The following PPM1E variants were observed in gnomAD, a reference collection of about 807,000 sequenced individuals.
PPM1E encodes protein phosphatase 1E.
Under a neutral mutation model 65.9 loss-of-function variants are expected in PPM1E, and 20 were observed. The observed-to-expected ratio is 0.30, with a 90% CI of 0.21 to 0.44. The LOEUF is 0.44. Among genes scored for constraint, PPM1E ranks in the 20% least tolerant of loss-of-function variants. PPM1E has a pLI of 1.00. For missense variants in PPM1E, 713 were observed against 953.1 expected, an observed-to-expected ratio of 0.75 and a Z score of 3.32; for synonymous variants, 352 against 374.9, an observed-to-expected ratio of 0.94 and a Z score of 0.70.
chr17:58,800,182 G>A (rs1192243040), intron 1 of PPM1E, among the ~76,000 whole-genome samples: 1 of 151,568 alleles, frequency 6.6e-6, no homozygotes, highest in African/African-American at 2.4e-5. Flanking sequence ...ATGACTATAT[G>A]ATTTTTGTCC....
intron 1 of PPM1E, among the ~76,000 whole-genome samples, chr17:58,879,239 A>G (rs1317812221): frequency 2.0e-5 from 3 of 148,804 alleles, no homozygotes. Context: ...ATAACTTTGA[A>G]GCAAAAGGCT....
intron 1 of PPM1E, among the ~76,000 whole-genome samples, chr17:58,822,438 C>A (rs2050490951): frequency 6.6e-6 from 1 of 151,598 alleles, no homozygotes; most frequent in South Asian, 2.1e-4. Context: ...ACTTCTGATT[C>A]TGTTATAGGT....
chr17:58,936,744 G>A (rs1567880485), intron 1 of PPM1E, among the ~76,000 whole-genome samples: 1 of 152,058 alleles, frequency 6.6e-6, no homozygotes, highest in African/African-American at 2.4e-5. Flanking sequence ...AAAAAGATCT[G>A]AATAAAATAC....
At chr17:58,892,743 A>G (rs2051363390) in intron 1 of PPM1E, among the ~76,000 whole-genome samples, 6 of 152,354 alleles carry the variant, frequency 3.9e-5, no homozygotes, top group South Asian at 4.1e-4. Flanking sequence ...TCTTAAAACA[A>G]TAAGAAAATG....
intron 1 of PPM1E, among the ~76,000 whole-genome samples, chr17:58,778,025 T>A (rs144872428): frequency 6.5e-4 from 98 of 151,416 alleles, no homozygotes; most frequent in Middle Eastern, 3.4e-3. Context: ...GGCCTCTGGG[T>A]CTCAATCGGT....
chr17:58,888,637 C>T (rs113460908), intron 1 of PPM1E, among the ~76,000 whole-genome samples: 90 of 152,066 alleles, frequency 5.9e-4, no homozygotes, highest in Middle Eastern at 3.4e-3. Context: ...GGATTACAGG[C>T]GTGAGCCACC....
intron 1 of PPM1E, among the ~76,000 whole-genome samples, chr17:58,919,156 T>G (rs921965464): frequency 6.6e-6 from 1 of 152,176 alleles, no homozygotes; most frequent in African/African-American, 2.4e-5. Flanking sequence ...GCCTAAAGGT[T>G]TTATGGCTCT....
At chr17:58,894,651 C>G (rs980421437) in intron 1 of PPM1E, among the ~76,000 whole-genome samples, 2 of 152,058 alleles carry the variant, frequency 1.3e-5, no homozygotes, top group African/African-American at 4.8e-5. Context: ...TTGATCTTTC[C>G]CATGTATATT....
intron 1 of PPM1E, among the ~76,000 whole-genome samples, chr17:58,909,089 C>CT (rs899527613): frequency 6.0e-5 from 9 of 150,778 alleles, no homozygotes; most frequent in East Asian, 3.9e-4. Context: ...CTTTTGTGCC[C>CT]TTTTTTTTTA....
At chr17:58,975,195 T>A (rs886899758) in intron 6 of PPM1E, among the ~76,000 whole-genome samples, 1 of 152,226 alleles carries the variant, frequency 6.6e-6, no homozygotes, top group Admixed American at 6.5e-5. Flanking sequence ...TGAATTAGGT[T>A]TACAACTCAA....
intron 1 of PPM1E, among the ~76,000 whole-genome samples, chr17:58,867,555 T>A (rs2051019439): frequency 1.3e-5 from 2 of 152,158 alleles, no homozygotes; most frequent in Non-Finnish European, 2.9e-5. Flanking sequence ...TTTTGATGGA[T>A]CTATCTGGAT....
intron 1 of PPM1E, among the ~76,000 whole-genome samples, chr17:58,933,210 AAGG>A (rs1258054840): frequency 5.3e-5 from 8 of 152,212 alleles, no homozygotes; most frequent in African/African-American, 1.7e-4. Context: ...TGTGCAAGAA[AAGG>A]AGTTCTTGTA....
At chr17:58,796,898 G>A (rs1250219665) in intron 1 of PPM1E, among the ~76,000 whole-genome samples, 1 of 152,092 alleles carries the variant, frequency 6.6e-6, no homozygotes, top group Non-Finnish European at 1.5e-5. Flanking sequence ...CTGAGGTCAG[G>A]GGTTTGAGAC....
At chr17:58,924,250 G>A (rs573697735) in intron 1 of PPM1E, among the ~76,000 whole-genome samples, 2 of 151,140 alleles carry the variant, frequency 1.3e-5, no homozygotes, top group Non-Finnish European at 3.0e-5. Context: ...AAGAAAAAAA[G>A]GAAGGAAGGA....
chr17:58,817,150 T>C lies in PPM1E; in HGVS notation c.464+60689T>C, dbSNP rs114107271. 2.8e-3 allele frequency among the ~76,000 whole-genome samples: 425 copies of C among 152,264 alleles called. 2 individuals are homozygous for C. The highest frequency in any genetic ancestry group is 9.9e-3 in the African/African-American group (411 of 41,552). ...TTCAATTGTATGTCTATACCACATTTGATTTATCCATTTATCTGTTGAAGG... is the reference window on the plus strand; with the variant it reads ...TTCAATTGTATGTCTATACCACATTCGATTTATCCATTTATCTGTTGAAGG... On this transcript the variant is annotated intron_variant, in intron 1 of 6. Transcript: ENST00000308249.
At chr17:58,894,466 G>A (rs1007511319) in intron 1 of PPM1E, among the ~76,000 whole-genome samples, 1 of 152,090 alleles carries the variant, frequency 6.6e-6, no homozygotes, top group African/African-American at 2.4e-5. Flanking sequence ...GTATAGTTTG[G>A]TGACACTGCA....
chr17:58,872,524 A>G (rs954314837), intron 1 of PPM1E, among the ~76,000 whole-genome samples: 1 of 152,170 alleles, frequency 6.6e-6, no homozygotes, highest in Non-Finnish European at 1.5e-5. Flanking sequence ...CAAAATGTCA[A>G]CCTTAAATAA....
Position 58,984,573 on chromosome 17 carries a change from G to A in PPM1E, c.*3542G>A, listed in dbSNP as rs1236625458. The stretch of plus-strand genomic sequence containing the variant: ...GAGACCATTTTTCTTTGAATCGTAA[G>A]TTAGCAAAAGAAATTTTTTTCACCT... On this transcript the variant is annotated 3_prime_UTR_variant, in exon 7 of 7. Coordinates refer to ENST00000308249, the MANE Select transcript of PPM1E (RefSeq NM_014906.5). 6.6e-6 allele frequency: 1 copy of A among 152,520 alleles called. No homozygotes were observed. The highest frequency in any genetic ancestry group is 1.5e-5 in the Non-Finnish European group (1 of 68,034). 9.4% of individuals were successfully genotyped at this position (152,520 alleles called of 1,614,324 possible). A position where few individuals can be genotyped will look rare whatever the true frequency, so the allele number is the denominator to read the frequency against.
intron 1 of PPM1E, among the ~76,000 whole-genome samples, chr17:58,776,541 A>G (rs770834983): frequency 3.4e-4 from 51 of 152,148 alleles, no homozygotes; most frequent in Non-Finnish European, 5.9e-4. Flanking sequence ...TTTTTAAATT[A>G]ATGTCTCTCT....
Sources: gnomAD v4.1 joint callset for allele counts (sites outside exome capture counted in the v4.1 genomes callset) on GRCh38, gnomAD v4.1.1 for gene constraint, MANE v1.5 for transcripts, NCBI Gene and HGNC (gene_info 2026-07-23, HGNC 2026-07-21) for gene names.